The following RAB5A variants were observed in gnomAD, a reference collection of about 807,000 sequenced individuals.
RAB5A encodes the protein RAB5A, member RAS oncogene family.
RAB5A carries 8 observed loss-of-function variants against 25.7 expected under a neutral mutation model. That is an observed-to-expected ratio of 0.31 (90% CI 0.18 to 0.56). The LOEUF is 0.56. Ranked by LOEUF, RAB5A falls within the 20% of genes least tolerant of loss-of-function variation. The pLI is 0.91. For missense variants in RAB5A, 192 were observed against 259.7 expected (o/e 0.74, Z 1.79); for synonymous variants, 98 against 89.8 (o/e 1.09, Z -0.52).
chr3:19,950,558 G>C (rs986468878), intron 1 of RAB5A, among the ~76,000 whole-genome samples: 1 of 152,016 alleles, frequency 6.6e-6, no homozygotes, highest in African/African-American at 2.4e-5. Context: ...GGATTGTTGA[G>C]AAGTTAAGTA....
chr3:19,958,891 A>G (rs1696543633), intron 2 of RAB5A, among the ~76,000 whole-genome samples: 1 of 152,112 alleles, frequency 6.6e-6, no homozygotes, highest in Admixed American at 6.5e-5. Context: ...GTGAGCTGAG[A>G]TCGCACCACT....
At chr3:19,951,420 AT>A (rs1316986363) in intron 2 of RAB5A, among the ~76,000 whole-genome samples, 17 of 152,352 alleles carry the variant, frequency 1.1e-4, no homozygotes, top group African/African-American at 3.8e-4. Context: ...TTGGTTTAAA[AT>A]GAATAGTAAA....
intron 5 of RAB5A, among the ~76,000 whole-genome samples, chr3:19,981,206 A>G (rs1179642320): frequency 6.6e-6 from 1 of 152,196 alleles, no homozygotes; most frequent in African/African-American, 2.4e-5. Flanking sequence ...CCAACTTTAC[A>G]GTGGTTTGAC....
chr3:19,947,097 A>C lies in RAB5A; in HGVS notation c.-518A>C, dbSNP rs749509856. Reference sequence around the variant, plus strand: ...ATGATGGGAAGTGACGAAGTGGCGCAGTTCGCTGCGTGCAGCGACGTGGCG... The same window carrying C: ...ATGATGGGAAGTGACGAAGTGGCGCCGTTCGCTGCGTGCAGCGACGTGGCG... On this transcript the variant is annotated 5_prime_UTR_variant, in exon 1 of 6. Coordinates refer to ENST00000273047, the MANE Select transcript of RAB5A (RefSeq NM_004162.5). 2 of 156,426 alleles carry C rather than the reference A, an allele frequency of 1.3e-5. No individual in the cohort carries two copies. The highest frequency in any genetic ancestry group is 1.9e-4 in the East Asian group (1 of 5,206). 9.7% of individuals were successfully genotyped at this position (156,426 alleles called of 1,614,324 possible). A position where few individuals can be genotyped will look rare whatever the true frequency, so the allele number is the denominator to read the frequency against.
chr3:19,948,331 G>A (rs1696363360), intron 1 of RAB5A, among the ~76,000 whole-genome samples: 1 of 152,150 alleles, frequency 6.6e-6, no homozygotes, highest in African/African-American at 2.4e-5. Context: ...AAAAACACTT[G>A]TACACCTCTG....
chr3:19,962,241 T>G (rs571742786), intron 2 of RAB5A, among the ~76,000 whole-genome samples: 1 of 152,264 alleles, frequency 6.6e-6, no homozygotes, highest in East Asian at 1.9e-4. Flanking sequence ...AAGAAGAATG[T>G]GGTGTAGAAT....
Position 19,975,692 on chromosome 3 carries a change from A to AG in RAB5A, c.256dup (p.Ala86GlyfsTer16). On this transcript the variant is annotated frameshift_variant, in exon 3 of 6. Transcript: ENST00000273047. LOFTEE classifies it high-confidence loss of function. ...CTGGTCAAGAACGATACCATAGCCT[A>AG]GCACCAATGTACTACAGAGGAGCAC... The AG allele has an allele frequency of 6.2e-7, 1 of 1,613,924 alleles. No individual in the cohort carries two copies. Among genetic ancestry groups the AG allele is most frequent in the Non-Finnish European group, 8.5e-7 (1 of 1,179,804 alleles).
At chr3:19,971,775 C>T (rs1472704286) in intron 2 of RAB5A, among the ~76,000 whole-genome samples, 1 of 152,068 alleles carries the variant, frequency 6.6e-6, no homozygotes, top group African/African-American at 2.4e-5. Context: ...GCACCTGGCC[C>T]AGTACAGTGT....
chr3:19,953,752 C>A (rs1023163508), intron 2 of RAB5A, among the ~76,000 whole-genome samples: 3 of 152,152 alleles, frequency 2.0e-5, no homozygotes, highest in Non-Finnish European at 4.4e-5. Flanking sequence ...ACTGTGCTGA[C>A]CCCATGTGAA....
intron 4 of RAB5A, among the ~76,000 whole-genome samples, chr3:19,977,744 A>G (rs2125131248): frequency 6.6e-6 from 1 of 152,308 alleles, no homozygotes; most frequent in African/African-American, 2.4e-5. Flanking sequence ...ACCCCTCACA[A>G]CAGCTATGAG....
At chr3:19,948,529 C>T (rs1255354199) in intron 1 of RAB5A, among the ~76,000 whole-genome samples, 1 of 152,148 alleles carries the variant, frequency 6.6e-6, no homozygotes, top group African/African-American at 2.4e-5. Flanking sequence ...CAAAAGATTA[C>T]AAATGTATAT....
intron 2 of RAB5A, among the ~76,000 whole-genome samples, chr3:19,954,345 A>G (rs887462315): frequency 2.0e-5 from 3 of 152,110 alleles, no homozygotes; most frequent in Admixed American, 6.6e-5. Flanking sequence ...TTTACTGTTT[A>G]TATCTCCTAA....
chr3:19,980,445 A>ATTTTTTTTTTTT (rs11441052), intron 5 of RAB5A, among the ~76,000 whole-genome samples: 1 of 148,104 alleles, frequency 6.8e-6, no homozygotes, highest in African/African-American at 2.5e-5. Flanking sequence ...AGGTTAGTAA[A>ATTTTTTTTTTTT]TTTTTTTTTC....
At chr3:19,957,662 C>T (rs1312071262) in intron 2 of RAB5A, among the ~76,000 whole-genome samples, 3 of 150,310 alleles carry the variant, frequency 2.0e-5, no homozygotes, top group Non-Finnish European at 2.9e-5. Context: ...GACTCTGTCG[C>T]GGAGGTTGCA....
At chr3:19,972,454 T>C (rs17796242) in intron 2 of RAB5A, among the ~76,000 whole-genome samples, 23,193 of 152,124 alleles carry the variant, frequency 0.15, 1,990 homozygotes, top group Non-Finnish European at 0.2. Flanking sequence ...GTAGGAGATA[T>C]TAACTAGGGT....
At chr3:19,951,416 TAAAATGAATAGTAA>T (rs1366266176) in intron 2 of RAB5A, among the ~76,000 whole-genome samples, 1 of 152,236 alleles carries the variant, frequency 6.6e-6, no homozygotes, top group Non-Finnish European at 1.5e-5. Context: ...TATATTGGTT[TAAAATGAATAGTAA>T]AAAAGGTAAC....
intron 2 of RAB5A, among the ~76,000 whole-genome samples, chr3:19,965,972 C>T (rs1032412909): frequency 6.6e-6 from 1 of 152,166 alleles, no homozygotes; most frequent in African/African-American, 2.4e-5. Flanking sequence ...AAGCAGCATA[C>T]CCGCCTGGGC....
In RAB5A at chr3:19,950,803, C is replaced by T. The variant is rs1696411000; in HGVS notation, c.-93-3C>T. 6.6e-6 allele frequency: 8 copies of T among 1,207,448 alleles called. No homozygotes were observed. The South Asian group carries it at 9.7e-5, about 15-fold the overall frequency. 74.8% of individuals were successfully genotyped at this position (1,207,448 alleles called of 1,614,324 possible). A position where few individuals can be genotyped will look rare whatever the true frequency, so the allele number is the denominator to read the frequency against. ...TATTTAATTCATAATTGTTTCTTTA[C>T]AGGTTTCTTTACCTCCAGAAAGAAG... On this transcript the variant is annotated splice_polypyrimidine_tract_variant and splice_region_variant and intron_variant, in intron 1 of 5. Coordinates refer to ENST00000273047, the MANE Select transcript of RAB5A (RefSeq NM_004162.5).
At chr3:19,948,741 T>C (rs1230874256) in intron 1 of RAB5A, among the ~76,000 whole-genome samples, 3 of 150,550 alleles carry the variant, frequency 2.0e-5, no homozygotes, top group African/African-American at 7.3e-5. Flanking sequence ...AGAATCTTGT[T>C]TGATTTTTTT....
Sources: gnomAD v4.1 joint callset for allele counts (sites outside exome capture counted in the v4.1 genomes callset) on GRCh38, gnomAD v4.1.1 for gene constraint, MANE v1.5 for transcripts, NCBI Gene and HGNC (gene_info 2026-07-23, HGNC 2026-07-21) for gene names.